TRIP4: variants seen among roughly 807,000 people sequenced by gnomAD.
The protein encoded by TRIP4 is activating signal cointegrator 1.
Under a neutral mutation model 81.8 loss-of-function variants are expected in TRIP4, and 54 were observed. The observed-to-expected ratio is 0.66, with a 90% CI of 0.53 to 0.83. TRIP4 has a LOEUF of 0.83. TRIP4 is among the 40% of genes least tolerant of loss of function. The pLI, the probability that TRIP4 is intolerant of heterozygous loss-of-function variation, is 0.00. For missense variants in TRIP4, 662 were observed against 683.6 expected, an observed-to-expected ratio of 0.97 and a Z score of 0.35; for synonymous variants, 270 against 242.8, an observed-to-expected ratio of 1.11 and a Z score of -1.04.
intron 12 of TRIP4, among the ~76,000 whole-genome samples, chr15:64,445,794 C>A (rs780549279): frequency 1.3e-5 from 2 of 151,954 alleles, no homozygotes; most frequent in Non-Finnish European, 2.9e-5. Flanking sequence ...CCAAAGTATA[C>A]CTTGATCCAC....
intron 12 of TRIP4, 169 bp downstream of exon 12, chr15:64,445,277 TTTC>T (rs1230637137): frequency 2.5e-6 from 1 of 408,160 alleles, no homozygotes; most frequent in African/African-American, 2.1e-5. Context: ...CTAATTTTCT[TTTC>T]TTTTCTTTTC....
chr15:64,453,371 A>G (rs1419246265), intron 12 of TRIP4, among the ~76,000 whole-genome samples: 1 of 152,186 alleles, frequency 6.6e-6, no homozygotes, highest in Non-Finnish European at 1.5e-5. Flanking sequence ...ACTGTCTATA[A>G]TATAAAGGTT....
intron 11 of TRIP4, among the ~76,000 whole-genome samples, chr15:64,436,763 CTTTTTTTTTTTTT>C (rs71133433): frequency 5.1e-4 from 11 of 21,404 alleles, no homozygotes; most frequent in Admixed American, 3.2e-3. Context: ...CCATCTATGC[CTTTTTTTTTTTTT>C]TTTTTTTTTT....
At chr15:64,439,961 A>T (rs1278544580) in intron 11 of TRIP4, among the ~76,000 whole-genome samples, 1 of 152,138 alleles carries the variant, frequency 6.6e-6, no homozygotes, top group African/African-American at 2.4e-5. Flanking sequence ...AGGCTTGAAG[A>T]TTTGGTGAAA....
intron 7 of TRIP4, among the ~76,000 whole-genome samples, chr15:64,412,953 T>C (rs1161850552): frequency 6.6e-6 from 1 of 152,146 alleles, no homozygotes; most frequent in Non-Finnish European, 1.5e-5. Flanking sequence ...TAACAGGGGA[T>C]GTATCCAATG....
intron 11 of TRIP4, among the ~76,000 whole-genome samples, chr15:64,438,790 C>T (rs1002903892): frequency 1.3e-5 from 2 of 152,146 alleles, no homozygotes; most frequent in South Asian, 2.1e-4. Flanking sequence ...TTCTAGCATA[C>T]GATTCCACAG....
Position 64,395,558 on chromosome 15 carries a change from T to G in TRIP4, c.405+27T>G, listed in dbSNP as rs778127362. The G allele has an allele frequency of 6.9e-6, 11 of 1,590,896 alleles. No individual in the cohort carries two copies. The East Asian group carries it at 2.2e-4, about 32-fold the overall frequency. ...TGAGTGCTTATAGATTGAAGCTTTT[T>G]CTGACTATTGGAGAAGAGGAAGTGA... On this transcript the variant is annotated intron_variant, in intron 3 of 12. Transcript: ENST00000261884.
Position 64,455,186 on chromosome 15 carries a change from GAACTTA to G in TRIP4, c.*127_*132del. The stretch of plus-strand genomic sequence containing the variant: ...CTTGGCGTCAGGCTTGAATATCTCA[GAACTTA>G]AACTCTTACCAAAATCTGTATATTT... On this transcript the variant is annotated 3_prime_UTR_variant, in exon 13 of 13. Transcript: ENST00000261884. 2 of 743,878 alleles carry G rather than the reference GAACTTA, an allele frequency of 2.7e-6. No individual in the cohort carries two copies. Among genetic ancestry groups the G allele is most frequent in the Non-Finnish European group, 4.2e-6 (2 of 476,112 alleles). 46.1% of individuals were successfully genotyped at this position (743,878 alleles called of 1,614,324 possible).
At chr15:64,402,803 G>A (rs1823803887) in intron 5 of TRIP4, among the ~76,000 whole-genome samples, 5 of 152,052 alleles carry the variant, frequency 3.3e-5, no homozygotes, top group Admixed American at 2.6e-4. Flanking sequence ...TGAGATTACA[G>A]GCGTGAGCCA....
Position 64,394,165 on chromosome 15 carries a change from C to G in TRIP4, c.271+50C>G, listed in dbSNP as rs917018880. 7 of 1,434,700 alleles carry G rather than the reference C, an allele frequency of 4.9e-6. No homozygotes were observed. In the African/African-American group the frequency reaches 1.0e-4, roughly 21 times the overall value. The allele number at this position is 1,434,700 out of a possible 1,614,324, so 88.9% of individuals were successfully genotyped here. On this transcript the variant is annotated intron_variant, in intron 2 of 12. Transcript: ENST00000261884. ...GTTGAAATATTGGTAAGTGGGCAGG[C>G]TTAAAGAATTATTATTATTATTTTT... is the stretch of plus-strand genomic sequence containing the variant.
intron 11 of TRIP4, among the ~76,000 whole-genome samples, chr15:64,440,128 T>TC (rs1892484812): frequency 6.6e-6 from 1 of 151,998 alleles, no homozygotes; most frequent in Non-Finnish European, 1.5e-5. Flanking sequence ...GCACCTGTAG[T>TC]CTCCAGTACC....
intron 8 of TRIP4, among the ~76,000 whole-genome samples, chr15:64,418,108 TTTGTTG>T (rs570595221): frequency 2.0e-5 from 3 of 151,948 alleles, no homozygotes; most frequent in South Asian, 2.1e-4. Flanking sequence ...TTATTTTTCA[TTTGTTG>T]TTGTTGTTGT....
chr15:64,443,566 C>T (rs1195091098), intron 11 of TRIP4, among the ~76,000 whole-genome samples: 1 of 152,186 alleles, frequency 6.6e-6, no homozygotes, highest in Non-Finnish European at 1.5e-5. Flanking sequence ...TTATTTCCTT[C>T]TAATACCCAG....
At chr15:64,431,800 C>A (rs1892275456) in intron 11 of TRIP4, among the ~76,000 whole-genome samples, 1 of 142,728 alleles carries the variant, frequency 7.0e-6, no homozygotes, top group Admixed American at 7.1e-5. Context: ...GTATTAAGTA[C>A]CCACTTAAAT....
At chr15:64,449,030 C>T (rs534785316) in intron 12 of TRIP4, among the ~76,000 whole-genome samples, 71 of 152,034 alleles carry the variant, frequency 4.7e-4, no homozygotes, top group African/African-American at 1.5e-3. Context: ...AGTAACATAG[C>T]GAGACCCTGT....
intron 1 of TRIP4, among the ~76,000 whole-genome samples, chr15:64,392,983 A>C (rs1260827826): frequency 1.3e-5 from 2 of 152,014 alleles, no homozygotes; most frequent in Admixed American, 6.6e-5. Context: ...CTGCAATTCC[A>C]CCATTACACT....
At chr15:64,421,655 G>A (rs1287014185) in intron 9 of TRIP4, among the ~76,000 whole-genome samples, 2 of 152,080 alleles carry the variant, frequency 1.3e-5, no homozygotes, top group African/African-American at 2.4e-5. Context: ...CCTTTTCTAT[G>A]TCTAGATGTA....
intron 6 of TRIP4, among the ~76,000 whole-genome samples, chr15:64,406,726 C>T (rs1360459608): frequency 2.0e-5 from 3 of 152,142 alleles, no homozygotes; most frequent in Non-Finnish European, 4.4e-5. Context: ...TGTGAGTTGA[C>T]AGAATTCACC....
At chr15:64,414,301 C>T in intron 8 of TRIP4, 90 bp downstream of exon 8, 1 of 1,528,656 alleles carries the variant, frequency 6.5e-7, no homozygotes, top group East Asian at 2.3e-5. Flanking sequence ...ACTTCAGATA[C>T]CAATCAGCTC....
Sources: gnomAD v4.1 joint callset for allele counts (sites outside exome capture counted in the v4.1 genomes callset) on GRCh38, gnomAD v4.1.1 for gene constraint, MANE v1.5 for transcripts, NCBI Gene and HGNC (gene_info 2026-07-23, HGNC 2026-07-21) for gene names.